The following STEAP3 variants were observed in gnomAD, a reference collection of about 807,000 sequenced individuals.
STEAP3 encodes metalloreductase STEAP3.
In STEAP3, 35 loss-of-function variants were observed where a neutral mutation model predicts 34.9. The ratio of observed to expected loss-of-function variants is 1.00; its 90% confidence interval spans 0.76 to 1.33. The LOEUF is 1.33. Among genes scored for constraint, STEAP3 ranks in the 40% most tolerant of loss-of-function variants. The pLI is 0.00. For missense variants in STEAP3, 652 were observed against 667.6 expected (o/e 0.98, Z 0.26); for synonymous variants, 281 against 301.6 (o/e 0.93, Z 0.71).
chr2:119,229,721 C>T (rs1015507585), intron 1 of STEAP3, among the ~76,000 whole-genome samples: 3 of 151,828 alleles, frequency 2.0e-5, no homozygotes, highest in African/African-American at 7.3e-5. Context: ...TGCCCAAGGC[C>T]TTGGGCTGGA....
chr2:119,260,093 C>T (rs1677894739), intron 5 of STEAP3, among the ~76,000 whole-genome samples: 1 of 152,122 alleles, frequency 6.6e-6, no homozygotes, highest in Non-Finnish European at 1.5e-5. Context: ...AGTATTTTAC[C>T]CAAGCTCCCC....
chr2:119,247,326 A>G (rs1012695385), intron 3 of STEAP3, among the ~76,000 whole-genome samples: 1 of 152,232 alleles, frequency 6.6e-6, no homozygotes, highest in Non-Finnish European at 1.5e-5. Context: ...AGGGCAGGCC[A>G]CGGCCTTGGA....
Position 119,264,486 on chromosome 2 carries a change from C to T in STEAP3, c.*1148C>T, listed in dbSNP as rs74816667. The T allele has an allele frequency of 3.9e-5, 6 of 152,336 alleles. No individual in the cohort carries two copies. In the East Asian group the frequency reaches 1.2e-3, roughly 29 times the overall value. The allele number at this position is 152,336 out of a possible 1,614,324, so 9.4% of individuals were successfully genotyped here. A position where few individuals can be genotyped will look rare whatever the true frequency, so the allele number is the denominator to read the frequency against. ...CAACTTTTCCACCAAAGCTACAAAC[C>T]TAAAATGCTGCTGCCCCAAAGCACA... On this transcript the variant is annotated 3_prime_UTR_variant, in exon 6 of 6. Coordinates refer to ENST00000393110, the MANE Select transcript of STEAP3 (RefSeq NM_182915.3).
At chr2:119,262,935 C>A in intron 5 of STEAP3, 122 bp from the exon 6 acceptor site, 2 of 1,342,612 alleles carry the variant, frequency 1.5e-6, no homozygotes, top group South Asian at 1.3e-5. Flanking sequence ...GGTTCCAACC[C>A]ATAGCGGTGA....
chr2:119,263,689 T>C lies in STEAP3; in HGVS notation c.*351T>C. The C allele has an allele frequency of 2.6e-6, 1 of 377,700 alleles. No homozygotes were observed. Among genetic ancestry groups the C allele is most frequent in the Non-Finnish European group, 5.1e-6 (1 of 197,716 alleles). The allele number at this position is 377,700 out of a possible 1,614,324, so 23.4% of individuals were successfully genotyped here. A position where few individuals can be genotyped will look rare whatever the true frequency, so the allele number is the denominator to read the frequency against. ...ATTTGCAGAGATATACACACACTTT[T>C]TGTACAGAAGAGGCTTGTGCTGTGG... On this transcript the variant is annotated 3_prime_UTR_variant, in exon 6 of 6. Transcript: ENST00000393110.
intron 5 of STEAP3, among the ~76,000 whole-genome samples, chr2:119,259,905 G>C (rs1430407921): frequency 6.6e-6 from 1 of 152,222 alleles, no homozygotes; most frequent in African/African-American, 2.4e-5. Context: ...GACCTGAGCA[G>C]AGGGGCCCGT....
At chr2:119,252,321 G>A (rs1272063561) in intron 4 of STEAP3, among the ~76,000 whole-genome samples, 7 of 152,368 alleles carry the variant, frequency 4.6e-5, no homozygotes, top group African/African-American at 1.7e-4. Context: ...CAGTGGCAGA[G>A]TCAGCGTCAG....
Position 119,247,757 on chromosome 2 carries a change from G to A in STEAP3, c.601G>A (p.Asp201Asn), listed in dbSNP as rs766930234. 9 of 1,604,006 alleles carry A rather than the reference G, an allele frequency of 5.6e-6. No individual in the cohort carries two copies. The highest frequency in any genetic ancestry group is 6.8e-6 in the Non-Finnish European group (8 of 1,176,998). ...MALAMGFMPV[D>N]MGSLASAWEV... The stretch of plus-strand genomic sequence containing the variant: ...GCTCGCCATGGGCTTCATGCCCGTG[G>A]ACATGGGATCCCTGGCGTCAGCCTG... The change falls in exon 4 of 6, where the codon GAC (aspartate) becomes AAC (asparagine). Residue 201 changes from aspartate to asparagine, a missense_variant. By Grantham distance (23) the Asp-to-Asn change is conservative. Transcript: ENST00000393110.
At chr2:119,257,063 A>C (rs1362672050) in intron 5 of STEAP3, among the ~76,000 whole-genome samples, 7 of 152,246 alleles carry the variant, frequency 4.6e-5, no homozygotes, top group African/African-American at 1.7e-4. Context: ...CCCTGGGCCT[A>C]AAAGTGGTCC....
chr2:119,229,166 G>A (rs1573535734), intron 1 of STEAP3, among the ~76,000 whole-genome samples: 1 of 152,292 alleles, frequency 6.6e-6, no homozygotes, highest in East Asian at 1.9e-4. Context: ...GACACCTGCT[G>A]GCTCAACAGG....
Position 119,263,876 on chromosome 2 carries a change from TG to T in STEAP3, c.*542del. On this transcript the variant is annotated 3_prime_UTR_variant, in exon 6 of 6. Coordinates refer to ENST00000393110, the MANE Select transcript of STEAP3 (RefSeq NM_182915.3). ...CAGCGGCTGGTCTCTTCCCTCCACC[TG>T]GGGCAGCAGCAGGAGGCCTGGGGAG... 1 of 182,842 alleles carries T rather than the reference TG, an allele frequency of 5.5e-6. No homozygotes were observed. 11.3% of individuals were successfully genotyped at this position (182,842 alleles called of 1,614,324 possible).
At chr2:119,227,810 G>GTATT (rs57135393) in intron 1 of STEAP3, among the ~76,000 whole-genome samples, 52,922 of 145,100 alleles carry the variant, frequency 0.36, 10,091 homozygotes, top group East Asian at 0.59. Flanking sequence ...CCCATTTCTT[G>GTATT]TATTTATTTA....
At chr2:119,226,812 G>A (rs533858129) in intron 1 of STEAP3, among the ~76,000 whole-genome samples, 1 of 152,178 alleles carries the variant, frequency 6.6e-6, no homozygotes, top group East Asian at 1.9e-4. Context: ...CCAGCATCCG[G>A]GCCAAACACT....
At chr2:119,261,980 G>T (rs567398703) in intron 5 of STEAP3, among the ~76,000 whole-genome samples, 1 of 152,306 alleles carries the variant, frequency 6.6e-6, no homozygotes, top group African/African-American at 2.4e-5. Flanking sequence ...CCTCCAGATG[G>T]AAGAGTAGGC....
intron 2 of STEAP3, among the ~76,000 whole-genome samples, chr2:119,243,020 G>T (rs1419208258): frequency 6.6e-6 from 1 of 152,182 alleles, no homozygotes; most frequent in African/African-American, 2.4e-5. Context: ...CTATTCACAG[G>T]GTGGCTGTGC....
At chr2:119,227,649 A>T (rs576649891) in intron 1 of STEAP3, among the ~76,000 whole-genome samples, 22 of 152,238 alleles carry the variant, frequency 1.4e-4, no homozygotes, top group African/African-American at 5.1e-4. Context: ...CTGCCCCAAG[A>T]TTATAAAGCC....
chr2:119,246,010 C>A, intron 3 of STEAP3, 22 bp downstream of exon 3: 1 of 1,589,400 alleles, frequency 6.3e-7, no homozygotes, highest in Non-Finnish European at 8.6e-7. Context: ...GGGAATAATA[C>A]CCATCGTAAC....
rs1183104900 is a variant in STEAP3 at position 119,263,083 on chromosome 2, G to A, written c.1242G>A (p.Val414=). The change falls in exon 6 of 6, where the codon GTG becomes GTA. Residue 414 remains valine, a synonymous_variant. Coordinates refer to ENST00000393110, the MANE Select transcript of STEAP3 (RefSeq NM_182915.3). ...VQSSLGFVAL[V]LSTLHTLTYG... ...CCTCACTGGGCTTTGTGGCCCTCGTGCTGAGCACACTGCACACGCTCACCT... is the reference window on the plus strand; with the variant it reads ...CCTCACTGGGCTTTGTGGCCCTCGTACTGAGCACACTGCACACGCTCACCT... 6.2e-7 allele frequency: 1 copy of A among 1,608,738 alleles called. No individual in the cohort carries two copies. The highest frequency in any genetic ancestry group is 8.5e-7 in the Non-Finnish European group (1 of 1,179,980).
chr2:119,235,693 G>A (rs139065680), intron 2 of STEAP3, among the ~76,000 whole-genome samples: 2 of 152,342 alleles, frequency 1.3e-5, no homozygotes, highest in Admixed American at 1.3e-4. Flanking sequence ...AGCTTGGAGT[G>A]GGGGAGAAGA....
Sources: gnomAD v4.1 joint callset for allele counts (sites outside exome capture counted in the v4.1 genomes callset) on GRCh38, gnomAD v4.1.1 for gene constraint, MANE v1.5 for transcripts, NCBI Gene and HGNC (gene_info 2026-07-23, HGNC 2026-07-21) for gene names.